Variants in ANPEP observed in about 807,000 individuals in gnomAD.
ANPEP encodes the protein alanyl aminopeptidase, membrane.
A neutral mutation model predicts 114.6 loss-of-function variants in ANPEP; 70 were observed. The observed-to-expected ratio is 0.61, with a 90% CI of 0.50 to 0.75. The LOEUF (loss-of-function observed/expected upper bound fraction) is 0.75. ANPEP is among the 30% of genes least tolerant of loss of function. The pLI, the probability that ANPEP is intolerant of heterozygous loss-of-function variation, is 0.00. For missense variants in ANPEP, 1,184 were observed against 1,259.5 expected (o/e 0.94, Z 0.91); for synonymous variants, 548 against 522.3 (o/e 1.05, Z -0.67).
In ANPEP at chr15:89,803,855, C is replaced by A. The variant is rs200114715; in HGVS notation, c.1293+34G>T. ...GCGGTGGCCCAGGTCTCCCTCCATG[C>A]CCCCCGCACCAGACCCCTGGGCAGC... On this transcript the variant is annotated intron_variant, in intron 7 of 20. Transcript: ENST00000300060. This position sits in a 1 kb window ranked among gnomAD's most constrained non-coding sequence, Gnocchi z 4.2. 9 of 1,613,580 alleles carry A rather than the reference C, an allele frequency of 5.6e-6. No homozygotes were observed. Among genetic ancestry groups the A allele is most frequent in the African/African-American group, 2.7e-5 (2 of 75,028 alleles).
At chr15:89,788,494 C>G (rs1968546127) in intron 20 of ANPEP, among the ~76,000 whole-genome samples, 1 of 152,140 alleles carries the variant, frequency 6.6e-6, no homozygotes, top group African/African-American at 2.4e-5. Context: ...TAAGGAGTGA[C>G]TGCTAATGAG....
chr15:89,792,085 G>A (rs955080420), intron 18 of ANPEP, 75 bp downstream of exon 18: 23 of 1,527,038 alleles, frequency 1.5e-5, no homozygotes, highest in East Asian at 2.3e-5. Context: ...AGGATCTGGC[G>A]AGGAGTGTGG....
Position 89,792,344 on chromosome 15 carries a change from AG to A in ANPEP, c.2361-18del, listed in dbSNP as rs577575583. ...GGGTGGATCCTGGTGTGGGGTAGGG[AG>A]GTCAGGTGTGGAACAGCAGCGGGGA... On this transcript the variant is annotated intron_variant, in intron 17 of 20. Coordinates refer to ENST00000300060, the MANE Select transcript of ANPEP (RefSeq NM_001150.3). 2.5e-4 allele frequency: 397 copies of A among 1,613,576 alleles called. 1 individual carries two copies. The African/African-American group carries it at 4.5e-3, about 18-fold the overall frequency.
chr15:89,810,444 G>A lies in ANPEP; in HGVS notation c.-223-3638C>T, dbSNP rs552643330. 1.5e-3 allele frequency among the ~76,000 whole-genome samples: 223 copies of A among 152,218 alleles called. 1 individual carries two copies. Among genetic ancestry groups the A allele is most frequent in the African/African-American group, 4.0e-3 (166 of 41,542 alleles). ...AAATTAGCTGGACGTGGTGGCGCAC[G>A]CCTGTAGTCCCAGCTACTTGGGGGG... On this transcript the variant is annotated intron_variant, in intron 1 of 20. Coordinates refer to ENST00000300060, the MANE Select transcript of ANPEP (RefSeq NM_001150.3).
Position 89,805,184 on chromosome 15 carries a change from C to T in ANPEP, c.791G>A (p.Trp264Ter). 1 of 1,614,178 alleles carries T rather than the reference C, an allele frequency of 6.2e-7. No individual in the cohort carries two copies. The highest frequency in any genetic ancestry group is 8.5e-7 in the Non-Finnish European group (1 of 1,180,038). The change falls in exon 4 of 21, where the codon TGG becomes TAG. Residue 264 changes from tryptophan (W) to a stop codon, truncating the protein, a stop_gained. Coordinates refer to ENST00000300060, the MANE Select transcript of ANPEP (RefSeq NM_001150.3). LOFTEE classifies it high-confidence loss of function. ...PSTPLPEDPN[W>*]NVTEFHTTPK... ...CGTGGTGTGGAACTCAGTGACATTC[C>T]AGTTGGGGTCTTCTGGAAGTGGGGT...
Position 89,801,659 on chromosome 15 carries a change from C to T in ANPEP, c.1570-52G>A, listed in dbSNP as rs1352786880. ...CATCAGTGGGACCCTCCAGTCCCTG[C>T]CATCCAGGGCATCTCCTGCAGATTC... On this transcript the variant is annotated intron_variant, in intron 10 of 20. Transcript: ENST00000300060. 3.8e-6 allele frequency: 6 copies of T among 1,579,898 alleles called. No homozygotes were observed. The African/African-American group carries it at 5.4e-5, about 14-fold the overall frequency.
intron 4 of ANPEP, 53 bp downstream of exon 4, chr15:89,805,025 C>T: frequency 1.2e-6 from 2 of 1,610,384 alleles, no homozygotes; most frequent in South Asian, 1.1e-5. Context: ...AACGGGAAGA[C>T]CCCTCAAGCC....
rs1041207056 is a variant in ANPEP, at chr15:89,801,697, C to G, written c.1570-90G>C. 9 of 1,460,488 alleles carry G rather than the reference C, an allele frequency of 6.2e-6. No individual in the cohort carries two copies. In the African/African-American group the frequency reaches 8.4e-5, roughly 14 times the overall value. 90.5% of individuals were successfully genotyped at this position (1,460,488 alleles called of 1,614,324 possible). ...CTCCTGCAGATTCTCGCCTCGACCC[C>G]GGGGGGCCACTTGTATGGGAGGCCT... On this transcript the variant is annotated intron_variant, in intron 10 of 20. Coordinates refer to ENST00000300060, the MANE Select transcript of ANPEP (RefSeq NM_001150.3).
In ANPEP at chr15:89,805,452, G is replaced by A. The variant is rs753145295; in HGVS notation, c.626C>T (p.Thr209Ile). Residue 209 changes from threonine to isoleucine, a missense_variant, in exon 3 of 21, where the codon ACT (threonine) becomes ATT (isoleucine). Thr to Ile is a moderately conservative substitution (Grantham distance 89). Transcript: ENST00000300060. ...MEGNVRKVVA[T>I]TQMQAADARK... ...GGCATCTGCAGCCTGCATCTGTGTA[G>A]TGGCCACCACCCTGCCCCAACAGGA... 1 of 1,614,124 alleles carries A rather than the reference G, an allele frequency of 6.2e-7. No homozygotes were observed. Among genetic ancestry groups the A allele is most frequent in the Non-Finnish European group, 8.5e-7 (1 of 1,180,010 alleles).
chr15:89,806,434 G>A lies in ANPEP; in HGVS notation c.150C>T (p.Thr50=), dbSNP rs763670683. The stretch of plus-strand genomic sequence containing the variant: ...GGTTGGTGGTGGCTGAGGCGGACGG[G>A]GTGGTGGAGGCCACGGGGGAGCTGT... ...NANSSPVAST[T]PSASATTNPA... is the part of the protein sequence containing the mutation. Residue 50 remains threonine (T), a synonymous_variant, in exon 2 of 21, where the codon ACC becomes ACT. Transcript: ENST00000300060. This position sits in a 1 kb window ranked among gnomAD's most constrained non-coding sequence, Gnocchi z 5.7. 97 of 1,614,012 alleles carry A rather than the reference G, an allele frequency of 6.0e-5. No homozygotes were observed. Among genetic ancestry groups the A allele is most frequent in the Non-Finnish European group, 7.8e-5 (92 of 1,180,022 alleles).
At chr15:89,814,269 G>A (rs979686133) in intron 1 of ANPEP, among the ~76,000 whole-genome samples, 1 of 152,316 alleles carries the variant, frequency 6.6e-6, no homozygotes, top group Non-Finnish European at 1.5e-5. Context: ...GAGCTGCGGC[G>A]GAGGCTTTAG....
chr15:89,790,324 G>A (rs1215936255), intron 20 of ANPEP, 136 bp downstream of exon 20: 11 of 670,084 alleles, frequency 1.6e-5, no homozygotes, highest in Admixed American at 8.7e-5. Flanking sequence ...CTGGCTACTC[G>A]GCTTCCTCTG....
intron 1 of ANPEP, among the ~76,000 whole-genome samples, chr15:89,814,480 C>G (rs71405668): frequency 0.17 from 25,603 of 152,116 alleles, 2,762 homozygotes; most frequent in South Asian, 0.29. Context: ...CCCAGGCTCC[C>G]GTCGCCCTCG....
chr15:89,802,762 G>T, intron 10 of ANPEP: 1 of 179,250 alleles, frequency 5.6e-6, no homozygotes, highest in Non-Finnish European at 1.2e-5. Flanking sequence ...ACAAACAGGG[G>T]CTGTGCGGGG....
At chr15:89,804,948 G>T in intron 4 of ANPEP, 130 bp downstream of exon 4, 1 of 1,315,684 alleles carries the variant, frequency 7.6e-7, no homozygotes, top group Non-Finnish European at 1.1e-6. Flanking sequence ...ACACTTGCCT[G>T]AAATCACTCA....
At chr15:89,793,472 G>A (rs1968671135) in intron 15 of ANPEP, among the ~76,000 whole-genome samples, 3 of 152,068 alleles carry the variant, frequency 2.0e-5, no homozygotes, top group African/African-American at 7.2e-5. Flanking sequence ...AGGCTGAGGC[G>A]GGTGGATCCC....
chr15:89,790,830 C>T (rs1968606909), intron 19 of ANPEP, 123 bp downstream of exon 19: 2 of 1,280,704 alleles, frequency 1.6e-6, no homozygotes, highest in African/African-American at 1.5e-5. Context: ...CCCTAGCCCC[C>T]AGGCTTGGCT....
At chr15:89,811,718 A>G (rs1297586841) in intron 1 of ANPEP, among the ~76,000 whole-genome samples, 2 of 151,826 alleles carry the variant, frequency 1.3e-5, no homozygotes, top group East Asian at 3.9e-4. Context: ...GATCCTGTCC[A>G]GTTGCACCCG....
rs542587666 is a variant in ANPEP at position 89,787,217 on chromosome 15, C to T, written c.2752-1716G>A. Among the ~76,000 whole-genome samples the T allele has an allele frequency of 9.0e-3, 1,364 of 151,816 alleles. 11 individuals carry two copies. Among genetic ancestry groups the T allele is most frequent in the Non-Finnish European group, 0.013 (895 of 67,944 alleles). On this transcript the variant is annotated intron_variant, in intron 20 of 20. Transcript: ENST00000300060. ...CCCGCCACTGCATCCAGCTAATTTT[C>T]GTATTTTTTAGTAGGGACGGGGTTT...
Sources: gnomAD v4.1 joint callset for allele counts (sites outside exome capture counted in the v4.1 genomes callset) on GRCh38, gnomAD v4.1.1 for gene constraint, Gnocchi (gnomAD v3.1) non-coding constraint, MANE v1.5 for transcripts, NCBI Gene and HGNC (gene_info 2026-07-23, HGNC 2026-07-21) for gene names.